The following FBXO4 variants were observed in gnomAD, a reference collection of about 807,000 sequenced individuals.
FBXO4 encodes F-box only protein 4.
In FBXO4, 36 loss-of-function variants were observed where a neutral mutation model predicts 43.7. The observed-to-expected ratio is 0.82, with a 90% CI of 0.63 to 1.09. The LOEUF is 1.09. Ranked by LOEUF, FBXO4 falls within the 50% of genes least tolerant of loss-of-function variation. FBXO4 has a pLI of 0.00. For missense variants in FBXO4, 435 were observed against 474.1 expected (o/e 0.92, Z 0.77); for synonymous variants, 180 against 165.6 (o/e 1.09, Z -0.67).
the FBXO4 span, among the ~76,000 whole-genome samples, chr5:42,029,445 G>C: frequency 6.6e-6 from 1 of 151,676 alleles, no homozygotes; most frequent in Non-Finnish European, 1.5e-5. Flanking sequence ...AATCTGCTTG[G>C]TGTTTCATAA....
At chr5:41,978,933 A>G in the FBXO4 span, among the ~76,000 whole-genome samples, 2 of 152,064 alleles carry the variant, frequency 1.3e-5, no homozygotes, top group Non-Finnish European at 1.5e-5. Flanking sequence ...CCTTAATTCT[A>G]TTGGGATAAA....
At chr5:41,970,727 G>T in the FBXO4 span, among the ~76,000 whole-genome samples, 2 of 151,948 alleles carry the variant, frequency 1.3e-5, no homozygotes, top group African/African-American at 4.8e-5. Flanking sequence ...CATTGGGTAT[G>T]ATGCTACATG....
Position 41,939,457 on chromosome 5 carries a change from T to C in FBXO4, c.915T>C (p.Asp305=). The C allele has an allele frequency of 1.2e-6, 2 of 1,610,078 alleles. No homozygotes were observed. The highest frequency in any genetic ancestry group is 1.7e-4 in the Middle Eastern group (1 of 6,044). ...AEAHKRHEWQ[D]EFSHIMAMTD... ...ATTCCTTAGGACATGAATGGCAAGA[T>C]GAATTTTCTCATATTATGGCAATGA... is the stretch of plus-strand genomic sequence containing the variant. Residue 305 remains aspartate, a synonymous_variant, in exon 6 of 7, where the codon GAT becomes GAC. Transcript: ENST00000281623.
At chr5:41,993,618 G>GATAT in the FBXO4 span, among the ~76,000 whole-genome samples, 16,798 of 136,462 alleles carry the variant, frequency 0.12, 1,507 homozygotes, top group African/African-American at 0.25. Context: ...GAACTAATAG[G>GATAT]ATATATATAT....
the FBXO4 span, among the ~76,000 whole-genome samples, chr5:42,003,213 G>C: frequency 1.3e-5 from 2 of 152,182 alleles, no homozygotes; most frequent in East Asian, 3.8e-4. Context: ...GTGGAGTTGA[G>C]GCAAAAATAG....
chr5:42,012,958 T>G, the FBXO4 span, among the ~76,000 whole-genome samples: 1 of 152,142 alleles, frequency 6.6e-6, no homozygotes, highest in Admixed American at 6.6e-5. Flanking sequence ...CCACTTGTTC[T>G]CTATTAGTAC....
At chr5:42,036,253 T>C in the FBXO4 span, among the ~76,000 whole-genome samples, 1 of 151,664 alleles carries the variant, frequency 6.6e-6, no homozygotes, top group African/African-American at 2.4e-5. Context: ...GTTTAGTGGA[T>C]GGGTATGTGA....
downstream of FBXO4, among the ~76,000 whole-genome samples, chr5:41,943,346 C>T (rs559253613): frequency 4.1e-4 from 62 of 152,216 alleles, no homozygotes; most frequent in Non-Finnish European, 7.2e-4. Context: ...TGAGAATGAC[C>T]TAACCCAAAT....
the FBXO4 span, chr5:41,967,568 G>A: frequency 2.8e-6 from 3 of 1,083,838 alleles, no homozygotes; most frequent in South Asian, 2.5e-5. Context: ...CATTGCAATA[G>A]GCATTACAAC....
At chr5:41,938,262 C>T (rs1412684052) in intron 5 of FBXO4, among the ~76,000 whole-genome samples, 1 of 151,972 alleles carries the variant, frequency 6.6e-6, no homozygotes, top group African/African-American at 2.4e-5. Flanking sequence ...CTGTAAGTTT[C>T]TTCTATATGT....
chr5:41,942,017 T>C (rs1163509372), downstream of FBXO4, among the ~76,000 whole-genome samples: 1 of 152,082 alleles, frequency 6.6e-6, no homozygotes, highest in African/African-American at 2.4e-5. Context: ...CCCTAATATC[T>C]CACTGGAACT....
the FBXO4 span, among the ~76,000 whole-genome samples, chr5:41,948,395 A>G: frequency 1.3e-5 from 2 of 152,152 alleles, no homozygotes; most frequent in African/African-American, 4.8e-5. Context: ...TCGGCCTCCC[A>G]AAGTACTGGG....
chr5:41,941,244 G>A lies in FBXO4; in HGVS notation c.1127G>A (p.Trp376Ter). The A allele has an allele frequency of 1.2e-6, 2 of 1,613,644 alleles. No homozygotes were observed. Among genetic ancestry groups the A allele is most frequent in the Non-Finnish European group, 8.5e-7 (1 of 1,179,732 alleles). The change falls in exon 7 of 7, where the codon TGG becomes TAG. Residue 376 changes from tryptophan (W) to a stop codon, truncating the protein, a stop_gained. Coordinates refer to ENST00000281623, the MANE Select transcript of FBXO4 (RefSeq NM_012176.3). LOFTEE classifies it high-confidence loss of function. ...ACTGGTTTTTTGAATGGCATTGAGT[G>A]GATTCTTGAAGAAGTGGAATCTAAG... ...TLTGFLNGIE[W>*]ILEEVESKRA...
At chr5:41,968,862 G>T in the FBXO4 span, among the ~76,000 whole-genome samples, 2,203 of 152,102 alleles carry the variant, frequency 0.014, 62 homozygotes, top group African/African-American at 0.05. Context: ...TGCAGGATTT[G>T]TTGCACAAAC....
At chr5:41,956,644 A>C in the FBXO4 span, among the ~76,000 whole-genome samples, 9 of 150,648 alleles carry the variant, frequency 6.0e-5, no homozygotes, top group Admixed American at 1.3e-4. Context: ...TCTGTTTCTT[A>C]CAATTTTTTT....
At chr5:42,011,866 G>A in the FBXO4 span, among the ~76,000 whole-genome samples, 1 of 152,144 alleles carries the variant, frequency 6.6e-6, no homozygotes, top group Non-Finnish European at 1.5e-5. Context: ...GTTTTGGGAA[G>A]GATTTCTTGA....
chr5:41,954,000 C>T, the FBXO4 span, among the ~76,000 whole-genome samples: 3 of 152,278 alleles, frequency 2.0e-5, no homozygotes. Flanking sequence ...AAATTCTAAT[C>T]TGAAACATTT....
chr5:42,031,070 A>G, the FBXO4 span, among the ~76,000 whole-genome samples: 2 of 152,312 alleles, frequency 1.3e-5, no homozygotes, highest in African/African-American at 4.8e-5. Flanking sequence ...GGGATCTAGA[A>G]CTAGAAATAC....
At chr5:41,943,279 A>G (rs180949749), downstream of FBXO4, among the ~76,000 whole-genome samples, 1 of 152,228 alleles carries the variant, frequency 6.6e-6, no homozygotes, top group East Asian at 1.9e-4. Context: ...TCAGTGCTAT[A>G]TTAGCATTAT....
Sources: gnomAD v4.1 joint callset for allele counts (sites outside exome capture counted in the v4.1 genomes callset) on GRCh38, gnomAD v4.1.1 for gene constraint, MANE v1.5 for transcripts, NCBI Gene and HGNC (gene_info 2026-07-23, HGNC 2026-07-21) for gene names.